The following SPAG16 variants were observed in gnomAD, a reference collection of about 807,000 sequenced individuals.
The protein encoded by SPAG16 is sperm associated antigen 16, also known as sperm-associated antigen 16 protein.
In SPAG16, 86 loss-of-function variants were observed where a neutral mutation model predicts 80.4. The observed-to-expected ratio is 1.07, with a 90% CI of 0.90 to 1.28. The LOEUF is 1.28. SPAG16 is among the 50% of genes most tolerant of loss of function. The pLI is 0.00. For missense variants in SPAG16, 870 were observed against 765.3 expected, an observed-to-expected ratio of 1.14 and a Z score of -1.61; for synonymous variants, 294 against 265.9, an observed-to-expected ratio of 1.11 and a Z score of -1.03.
intron 5 of SPAG16, among the ~76,000 whole-genome samples, chr2:213,323,207 G>A (rs147102466): frequency 0.014 from 2,095 of 152,272 alleles, 25 homozygotes; most frequent in Middle Eastern, 0.061. Flanking sequence ...GTGGGAGGCC[G>A]AGGCGGGCAG....
chr2:214,381,071 T>TC (rs1700420930), intron 15 of SPAG16, among the ~76,000 whole-genome samples: 1 of 152,180 alleles, frequency 6.6e-6, no homozygotes, highest in African/African-American at 2.4e-5. Context: ...TACCTTTTTT[T>TC]CCCCAGGAAA....
intron 10 of SPAG16, among the ~76,000 whole-genome samples, chr2:213,844,352 T>A (rs1413496451): frequency 6.6e-6 from 1 of 152,098 alleles, no homozygotes; most frequent in Non-Finnish European, 1.5e-5. Context: ...ATATCATAAT[T>A]GGTAAAAAGG....
Position 213,489,959 on chromosome 2 carries a change from C to G in SPAG16, c.943-4C>G, listed in dbSNP as rs756555369. 3 of 1,593,972 alleles carry G rather than the reference C, an allele frequency of 1.9e-6. No homozygotes were observed. The highest frequency in any genetic ancestry group is 4.5e-5 in the East Asian group (2 of 44,170). On this transcript the variant is annotated splice_polypyrimidine_tract_variant and splice_region_variant and intron_variant, in intron 9 of 15. Transcript: ENST00000331683. ...CAGAGCTCTTGTTTAATTTTTTTCT[C>G]TAGGATTCAGAATTTCCCATAGATA...
At chr2:213,947,321 G>T (rs1020486119) in intron 12 of SPAG16, among the ~76,000 whole-genome samples, 11 of 152,104 alleles carry the variant, frequency 7.2e-5, no homozygotes, top group African/African-American at 2.7e-4. Context: ...GCAATAATGA[G>T]AAATCCAGTT....
intron 10 of SPAG16, among the ~76,000 whole-genome samples, chr2:213,494,477 A>AT (rs1192692602): frequency 6.6e-6 from 1 of 152,284 alleles, no homozygotes; most frequent in East Asian, 1.9e-4. Context: ...TCACCCTGCA[A>AT]TTCCCACCAT....
chr2:214,155,995 A>G (rs565612109), intron 15 of SPAG16, among the ~76,000 whole-genome samples: 2 of 152,304 alleles, frequency 1.3e-5, no homozygotes, highest in East Asian at 3.9e-4. Context: ...TCTTATTCTA[A>G]TAATTGTATT....
intron 10 of SPAG16, among the ~76,000 whole-genome samples, chr2:213,782,327 T>C (rs1443818721): frequency 6.6e-6 from 1 of 152,198 alleles, no homozygotes; most frequent in South Asian, 2.1e-4. Flanking sequence ...TAAAAGATTA[T>C]ATGGAAACAG....
intron 10 of SPAG16, among the ~76,000 whole-genome samples, chr2:213,561,717 T>C: frequency 6.6e-6 from 1 of 152,212 alleles, no homozygotes. Context: ...AACAAAGACT[T>C]CTTAATGTTC....
intron 10 of SPAG16, among the ~76,000 whole-genome samples, chr2:213,670,145 C>A (rs548339963): frequency 1.6e-4 from 25 of 152,130 alleles, no homozygotes; most frequent in South Asian, 4.2e-4. Context: ...CAGGTGCCTG[C>A]CACCATGCCC....
At chr2:214,389,118 T>A (rs1470592805) in intron 15 of SPAG16, among the ~76,000 whole-genome samples, 1 of 152,148 alleles carries the variant, frequency 6.6e-6, no homozygotes, top group African/African-American at 2.4e-5. Flanking sequence ...TACAAAGGCA[T>A]ATGTAACCCA....
At position 213,296,072 on chromosome 2, in the gene SPAG16, A is replaced by G; in HGVS notation, c.145A>G (p.Ile49Val). 6.2e-7 allele frequency: 1 copy of G among 1,610,216 alleles called. No individual in the cohort carries two copies. Among genetic ancestry groups the G allele is most frequent in the South Asian group, 1.1e-5 (1 of 90,774 alleles). The change falls in exon 2 of 16, where the codon ATA becomes GTA. Residue 49 changes from isoleucine to valine, a missense_variant. Transcript: ENST00000331683. ...CTTGACAAGATATTCAGAGGTCACCATAACTGAAGCATCTGAAGATGACTA... is the reference window on the plus strand; with the variant it reads ...CTTGACAAGATATTCAGAGGTCACCGTAACTGAAGCATCTGAAGATGACTA... ...EGAYYLEQVT[I>V]TEASEDDYEY...
intron 10 of SPAG16, among the ~76,000 whole-genome samples, chr2:213,692,042 AATT>A (rs2064965184): frequency 6.6e-6 from 1 of 152,222 alleles, no homozygotes; most frequent in Non-Finnish European, 1.5e-5. Context: ...ACACAAGCTA[AATT>A]ACAGACTTGT....
chr2:214,258,976 A>C (rs991515096), intron 15 of SPAG16, among the ~76,000 whole-genome samples: 3 of 151,994 alleles, frequency 2.0e-5, no homozygotes, highest in African/African-American at 7.2e-5. Context: ...CATAATTATC[A>C]TAGTTATCTT....
At chr2:213,578,650 C>T (rs976772098) in intron 10 of SPAG16, among the ~76,000 whole-genome samples, 4 of 152,052 alleles carry the variant, frequency 2.6e-5, no homozygotes, top group African/African-American at 4.8e-5. Flanking sequence ...ATCGCTTCTA[C>T]ACTTTTTGGC....
chr2:213,719,397 C>T (rs1279029554), intron 10 of SPAG16, among the ~76,000 whole-genome samples: 2 of 152,198 alleles, frequency 1.3e-5, no homozygotes, highest in Non-Finnish European at 2.9e-5. Flanking sequence ...TCTAGCTGCT[C>T]TGGTGGGGCC....
chr2:214,275,576 G>T (rs1486743869), intron 15 of SPAG16, among the ~76,000 whole-genome samples: 4 of 152,200 alleles, frequency 2.6e-5, no homozygotes, highest in Non-Finnish European at 4.4e-5. Context: ...GGAGGAGGTT[G>T]TTCAGTTTCC....
chr2:213,672,775 A>T (rs567097913), intron 10 of SPAG16, among the ~76,000 whole-genome samples: 1 of 151,754 alleles, frequency 6.6e-6, no homozygotes, highest in Non-Finnish European at 1.5e-5. Flanking sequence ...TGCAATAGGG[A>T]TATTCCTATC....
At chr2:214,293,380 G>C (rs537786259) in intron 15 of SPAG16, among the ~76,000 whole-genome samples, 19 of 152,294 alleles carry the variant, frequency 1.2e-4, no homozygotes, top group African/African-American at 4.6e-4. Context: ...TGGTAGGTTG[G>C]ATAATCCTGA....
intron 10 of SPAG16, among the ~76,000 whole-genome samples, chr2:213,764,376 A>G (rs1035537738): frequency 3.4e-5 from 5 of 147,430 alleles, no homozygotes; most frequent in East Asian, 2.0e-4. Flanking sequence ...ATTCAGGGGG[A>G]AAAAAAAAAC....
Sources: gnomAD v4.1 joint callset for allele counts (sites outside exome capture counted in the v4.1 genomes callset) on GRCh38, gnomAD v4.1.1 for gene constraint, MANE v1.5 for transcripts, NCBI Gene and HGNC (gene_info 2026-07-23, HGNC 2026-07-21) for gene names.